The following PCDHA8 variants were observed in gnomAD, a reference collection of about 807,000 sequenced individuals.
The protein encoded by PCDHA8 is protocadherin alpha 8, also known as protocadherin alpha-8.
A neutral mutation model predicts 61.8 loss-of-function variants in PCDHA8; 53 were observed. The observed-to-expected ratio is 0.86, with a 90% CI of 0.69 to 1.08. The LOEUF (loss-of-function observed/expected upper bound fraction) is 1.08. Ranked by LOEUF, PCDHA8 falls within the 50% of genes least tolerant of loss-of-function variation. The pLI is 0.00. For missense variants in PCDHA8, 1,293 were observed against 1,245.0 expected (o/e 1.04, Z -0.58); for synonymous variants, 618 against 556.6 (o/e 1.11, Z -1.55).
chr5:140,922,830 A>G (rs2081013341), intron 1 of PCDHA8, among the ~76,000 whole-genome samples: 1 of 152,264 alleles, frequency 6.6e-6, no homozygotes, highest in Admixed American at 6.5e-5. Context: ...TACTGCTAAT[A>G]GATGTCCTCA....
intron 1 of PCDHA8, chr5:140,871,726 T>A (rs1412265993): frequency 1.3e-6 from 1 of 740,884 alleles, no homozygotes; most frequent in Non-Finnish European, 2.1e-6. Flanking sequence ...CTCTTAATAT[T>A]TGGTTAGCAA....
chr5:140,888,271 T>A (rs1466153758), intron 1 of PCDHA8, among the ~76,000 whole-genome samples: 2 of 152,068 alleles, frequency 1.3e-5, no homozygotes, highest in African/African-American at 4.8e-5. Context: ...TAAGAAACAG[T>A]TTTGTCCCCT....
In PCDHA8 at chr5:140,883,821, A is replaced by T; in HGVS notation, c.2394+40106A>T. ...GTGCACGCGGAGAGCGGCAAGGTGT[A>T]CGCGCTGCAGCCGTTGGACCACGAG... On this transcript the variant is annotated intron_variant, in intron 1 of 3. Transcript: ENST00000531613. 6.2e-7 allele frequency: 1 copy of T among 1,612,450 alleles called. No individual in the cohort carries two copies. The highest frequency in any genetic ancestry group is 8.5e-7 in the Non-Finnish European group (1 of 1,179,756).
chr5:140,924,905 AT>A (rs1216976019), intron 1 of PCDHA8, among the ~76,000 whole-genome samples: 1,708 of 55,768 alleles, frequency 0.031, 41 homozygotes, highest in African/African-American at 0.13. Flanking sequence ...AAAAAAAAAA[AT>A]AAAATAAAAT....
intron 3 of PCDHA8, among the ~76,000 whole-genome samples, chr5:140,983,419 A>G (rs1209385386): frequency 5.3e-5 from 8 of 152,210 alleles, no homozygotes; most frequent in Non-Finnish European, 1.2e-4. Flanking sequence ...GTGTTGGTAG[A>G]GACCACAAAT....
intron 1 of PCDHA8, among the ~76,000 whole-genome samples, chr5:140,846,724 A>G (rs1780644299): frequency 6.7e-6 from 1 of 149,338 alleles, no homozygotes; most frequent in Admixed American, 6.7e-5. Context: ...AGTCTTCATT[A>G]AACATTAAAT....
chr5:140,907,558 A>G (rs2073449629), intron 1 of PCDHA8, among the ~76,000 whole-genome samples: 1 of 152,186 alleles, frequency 6.6e-6, no homozygotes, highest in Non-Finnish European at 1.5e-5. Flanking sequence ...GGTCCAATAT[A>G]ATCAACTTGC....
intron 1 of PCDHA8, among the ~76,000 whole-genome samples, chr5:140,874,511 C>G (rs1376439369): frequency 4.6e-5 from 7 of 152,212 alleles, no homozygotes; most frequent in Admixed American, 3.9e-4. Flanking sequence ...ATTCTCTTGA[C>G]TTTAGTCAAT....
chr5:140,941,191 T>TTTTTTTTCTTTC (rs1554213809), intron 1 of PCDHA8, among the ~76,000 whole-genome samples: 2 of 93,204 alleles, frequency 2.1e-5, no homozygotes, highest in African/African-American at 7.9e-5. Context: ...GCTTCTTTTT[T>TTTTTTTTCTTTC]TTTCTTTCTT....
At chr5:140,877,599 C>T (rs1325384029) in intron 1 of PCDHA8, 5 of 1,613,882 alleles carry the variant, frequency 3.1e-6, no homozygotes, top group East Asian at 2.2e-5. Context: ...CGGTGTCCAG[C>T]CTGCTGGTGC....
intron 1 of PCDHA8, chr5:140,855,829 C>A: frequency 1.8e-6 from 1 of 560,298 alleles, no homozygotes; most frequent in East Asian, 2.9e-5. Flanking sequence ...CTCATGGAAT[C>A]GTACTTACAC....
At chr5:140,938,041 G>T (rs2091894997) in intron 1 of PCDHA8, among the ~76,000 whole-genome samples, 1 of 151,764 alleles carries the variant, frequency 6.6e-6, no homozygotes, top group African/African-American at 2.4e-5. Flanking sequence ...TTTATATTTT[G>T]GGTTTTCTAC....
intron 1 of PCDHA8, chr5:140,929,344 A>G: frequency 6.5e-7 from 1 of 1,531,050 alleles, no homozygotes; most frequent in South Asian, 1.3e-5. Flanking sequence ...ATTTTATGGA[A>G]TTTGATTCCT....
intron 1 of PCDHA8, chr5:140,968,000 C>T: frequency 1.2e-6 from 2 of 1,614,234 alleles, no homozygotes; most frequent in Non-Finnish European, 8.5e-7. Context: ...GCCTTTCCGA[C>T]TGAATGGCTT....
chr5:140,907,616 GCT>G (rs1554193070), intron 1 of PCDHA8, among the ~76,000 whole-genome samples: 1 of 152,216 alleles, frequency 6.6e-6, no homozygotes, highest in Non-Finnish European at 1.5e-5. Context: ...CATATCAAGG[GCT>G]CAGTGTTGGT....
chr5:140,852,911 C>G lies in PCDHA8; in HGVS notation c.2394+9196C>G, dbSNP rs2150524968. ...TTTTTTTTTTTGAGTCAGAGTCTCG[C>G]TCTGTTGCCCAGGCTGGAGTGCAGT... On this transcript the variant is annotated intron_variant, in intron 1 of 3. Transcript: ENST00000531613. The G allele has an allele frequency of 3.8e-6, 3 of 791,732 alleles. 1 individual carries two copies. The South Asian group carries it at 1.7e-4, about 44-fold the overall frequency. The allele number at this position is 791,732 out of a possible 1,614,324, so 49.0% of individuals were successfully genotyped here. A position where few individuals can be genotyped will look rare whatever the true frequency, so the allele number is the denominator to read the frequency against.
intron 1 of PCDHA8, chr5:140,857,490 C>T (rs1554150112): frequency 1.3e-6 from 2 of 1,598,382 alleles, no homozygotes; most frequent in East Asian, 4.5e-5. Context: ...GCGTGGGACG[C>T]GGACGCGCAG....
intron 1 of PCDHA8, among the ~76,000 whole-genome samples, chr5:140,952,427 C>T (rs2094744253): frequency 6.6e-6 from 1 of 152,162 alleles, no homozygotes; most frequent in African/African-American, 2.4e-5. Flanking sequence ...CAGATTCCTA[C>T]AGCACAGGCA....
chr5:140,925,100 A>AGGAG (rs1217709299), intron 1 of PCDHA8, among the ~76,000 whole-genome samples: 12 of 151,586 alleles, frequency 7.9e-5, no homozygotes, highest in Admixed American at 1.3e-4. Context: ...GAAGGAAGGA[A>AGGAG]GGAAGGAGGG....
Sources: allele counts gnomAD v4.1 joint callset (sites outside exome capture counted in the v4.1 genomes callset), GRCh38; gene constraint gnomAD v4.1.1; transcripts MANE v1.5; gene names NCBI Gene and HGNC (gene_info 2026-07-23, HGNC 2026-07-21).